The following MAML3 variants were observed in gnomAD, a reference collection of about 807,000 sequenced individuals.
The protein encoded by MAML3 is mastermind like transcriptional coactivator 3.
A neutral mutation model predicts 101.9 loss-of-function variants in MAML3; 27 were observed. The ratio of observed to expected loss-of-function variants is 0.27; its 90% confidence interval spans 0.20 to 0.37. MAML3 has a LOEUF of 0.37. MAML3 is among the 10% of genes least tolerant of loss of function. MAML3 has a pLI of 1.00. For synonymous variants in MAML3, 501 were observed against 555.9 expected, an observed-to-expected ratio of 0.90 and a Z score of 1.39; for missense variants, 1,316 against 1,444.9, an observed-to-expected ratio of 0.91 and a Z score of 1.45.
intron 2 of MAML3, among the ~76,000 whole-genome samples, chr4:139,834,723 G>C (rs558404065): frequency 6.6e-6 from 1 of 152,332 alleles, no homozygotes; most frequent in South Asian, 2.1e-4. Flanking sequence ...ACATGAAGCA[G>C]TGCATTTAAT....
intron 2 of MAML3, among the ~76,000 whole-genome samples, chr4:139,821,210 T>C (rs1730966187): frequency 6.6e-6 from 1 of 152,212 alleles, no homozygotes; most frequent in Non-Finnish European, 1.5e-5. Context: ...ACATATGTAT[T>C]AGGCCAGGGG....
chr4:140,018,082 T>G (rs1253829858), intron 1 of MAML3, among the ~76,000 whole-genome samples: 1 of 152,134 alleles, frequency 6.6e-6, no homozygotes, highest in Non-Finnish European at 1.5e-5. Flanking sequence ...TTCTATTAAG[T>G]CTAATTGGGT....
intron 1 of MAML3, among the ~76,000 whole-genome samples, chr4:140,087,114 C>T (rs1267759600): frequency 6.6e-6 from 1 of 152,166 alleles, no homozygotes; most frequent in Non-Finnish European, 1.5e-5. Context: ...GAGCTGAGAT[C>T]GTGCCATTGC....
At chr4:140,084,984 C>A (rs1727927969) in intron 1 of MAML3, among the ~76,000 whole-genome samples, 1 of 152,082 alleles carries the variant, frequency 6.6e-6, no homozygotes, top group Admixed American at 6.5e-5. Context: ...GGGTTATAGT[C>A]CTTGTTGTGG....
chr4:139,861,098 A>G (rs1024406262), intron 2 of MAML3, among the ~76,000 whole-genome samples: 9 of 152,230 alleles, frequency 5.9e-5, no homozygotes, highest in Admixed American at 3.9e-4. Flanking sequence ...TGAAACCACA[A>G]TGCGATCCAT....
intron 1 of MAML3, among the ~76,000 whole-genome samples, chr4:140,017,030 G>A (rs1266344983): frequency 6.6e-6 from 1 of 152,042 alleles, no homozygotes; most frequent in Admixed American, 6.6e-5. Flanking sequence ...TCACATGTTG[G>A]GAGAAAATAT....
chr4:139,940,653 C>T (rs1733583339), intron 1 of MAML3, among the ~76,000 whole-genome samples: 1 of 152,224 alleles, frequency 6.6e-6, no homozygotes, highest in Non-Finnish European at 1.5e-5. Context: ...AGCCCCGATA[C>T]TCATGTTCAA....
At chr4:139,771,451 A>T (rs1729978868) in intron 2 of MAML3, among the ~76,000 whole-genome samples, 1 of 152,256 alleles carries the variant, frequency 6.6e-6, no homozygotes, top group Admixed American at 6.5e-5. Flanking sequence ...GAAGCGGGAT[A>T]AGATTCTGTG....
At position 139,717,837 on chromosome 4, in the gene MAML3, T is replaced by C. The variant is rs1456596917; in HGVS notation, c.*1486A>G. 2 of 152,304 alleles carry C rather than the reference T, an allele frequency of 1.3e-5. No individual in the cohort carries two copies. Among genetic ancestry groups the C allele is most frequent in the East Asian group, 3.9e-4 (2 of 5,184 alleles). 9.4% of individuals were successfully genotyped at this position (152,304 alleles called of 1,614,324 possible). A position where few individuals can be genotyped will look rare whatever the true frequency, so the allele number is the denominator to read the frequency against. ...AGCCACAAGTCCTCCAAAAGGGGGA[T>C]TGGGAGGGGAGGCAAGGAGCCTTGT... On this transcript the variant is annotated 3_prime_UTR_variant, in exon 5 of 5. Coordinates refer to ENST00000509479, the MANE Select transcript of MAML3 (RefSeq NM_018717.5).
chr4:139,817,791 A>G (rs192395178), intron 2 of MAML3, among the ~76,000 whole-genome samples: 28 of 152,302 alleles, frequency 1.8e-4, no homozygotes, highest in East Asian at 9.6e-4. Context: ...TCTGACCAGT[A>G]TGTCTTCCAG....
intron 2 of MAML3, among the ~76,000 whole-genome samples, chr4:139,776,374 A>T (rs1291824629): frequency 1.4e-4 from 22 of 152,160 alleles, no homozygotes; most frequent in Admixed American, 1.4e-3. Context: ...AACCTCCTAC[A>T]TTCCCTTTCT....
At position 140,144,938 on chromosome 4, in the gene MAML3, C is replaced by T. The variant is rs188447328; in HGVS notation, c.468+7922G>A. Among the ~76,000 whole-genome samples, 804 of 152,258 alleles carry T rather than the reference C, an allele frequency of 5.3e-3. 6 individuals carry two copies. Among genetic ancestry groups the T allele is most frequent in the Non-Finnish European group, 9.5e-3 (644 of 68,020 alleles). On this transcript the variant is annotated intron_variant, in intron 1 of 4. Transcript: ENST00000509479. ...CCAGCCTTTTAGATTCACTCTCAAT[C>T]GCTGAGCTACTTTCAGCATCTAACA...
At chr4:139,877,893 ATATT>A (rs1436621144) in intron 2 of MAML3, among the ~76,000 whole-genome samples, 1 of 152,160 alleles carries the variant, frequency 6.6e-6, no homozygotes, top group African/African-American at 2.4e-5. Flanking sequence ...TACCATCCCA[ATATT>A]TAATCTTATG....
intron 4 of MAML3, among the ~76,000 whole-genome samples, chr4:139,723,196 T>C (rs1371865036): frequency 2.6e-5 from 4 of 152,214 alleles, no homozygotes; most frequent in African/African-American, 9.6e-5. Context: ...CAAAAACCCA[T>C]GTACAGTACA....
chr4:140,005,317 G>C (rs927230331), intron 1 of MAML3, among the ~76,000 whole-genome samples: 8 of 152,096 alleles, frequency 5.3e-5, no homozygotes, highest in African/African-American at 1.9e-4. Flanking sequence ...TCCTTAACCT[G>C]GAAACATTAG....
chr4:140,046,320 A>G (rs1727182655), intron 1 of MAML3, among the ~76,000 whole-genome samples: 1 of 152,194 alleles, frequency 6.6e-6, no homozygotes, highest in South Asian at 2.1e-4. Context: ...CTGAGTAACA[A>G]TGATAAGCAG....
At chr4:140,075,273 C>T (rs11100475) in intron 1 of MAML3, among the ~76,000 whole-genome samples, 44,610 of 152,012 alleles carry the variant, frequency 0.29, 7,021 homozygotes, top group South Asian at 0.41. Context: ...TGTCTCCTTC[C>T]AGTGTCAAGG....
intron 1 of MAML3, among the ~76,000 whole-genome samples, chr4:140,117,592 C>A (rs1020461473): frequency 6.6e-6 from 1 of 151,050 alleles, no homozygotes; most frequent in South Asian, 2.1e-4. Flanking sequence ...GGTGACAGAG[C>A]GAGACCCTGT....
At chr4:139,815,992 T>G (rs923504340) in intron 2 of MAML3, among the ~76,000 whole-genome samples, 7 of 152,192 alleles carry the variant, frequency 4.6e-5, no homozygotes, top group African/African-American at 1.7e-4. Flanking sequence ...ATATCACATC[T>G]GTGCATATAT....
Sources: gnomAD v4.1 joint callset for allele counts (sites outside exome capture counted in the v4.1 genomes callset) on GRCh38, gnomAD v4.1.1 for gene constraint, MANE v1.5 for transcripts, NCBI Gene and HGNC (gene_info 2026-07-23, HGNC 2026-07-21) for gene names.